Variants in ZBTB20 observed in about 807,000 individuals in gnomAD.
The protein encoded by ZBTB20 is zinc finger and BTB domain-containing protein 20.
In ZBTB20, 9 loss-of-function variants were observed where a neutral mutation model predicts 56.9. That is an observed-to-expected ratio of 0.16 (90% CI 0.10 to 0.28). The LOEUF is 0.28. Ranked by LOEUF, ZBTB20 falls within the 10% of genes least tolerant of loss-of-function variation. The pLI, the probability that ZBTB20 is intolerant of heterozygous loss-of-function variation, is 1.00. For synonymous variants in ZBTB20, 417 were observed against 420.7 expected (o/e 0.99, Z 0.11); for missense variants, 655 against 1,003.0 (o/e 0.65, Z 4.69).
intron 6 of ZBTB20, among the ~76,000 whole-genome samples, chr3:114,554,363 GGA>G (rs1362877332): frequency 6.6e-6 from 1 of 152,106 alleles, no homozygotes; most frequent in Admixed American, 6.6e-5. Flanking sequence ...TTTGTGGCAG[GGA>G]GAGATGGATT....
chr3:114,365,821 A>C (rs776521596), intron 10 of ZBTB20, among the ~76,000 whole-genome samples: 3 of 152,202 alleles, frequency 2.0e-5, no homozygotes, highest in Non-Finnish European at 4.4e-5. Flanking sequence ...TTGCTATTAG[A>C]ATTAAAACAT....
intron 10 of ZBTB20, among the ~76,000 whole-genome samples, chr3:114,354,831 C>T (rs564034989): frequency 5.9e-5 from 9 of 152,272 alleles, no homozygotes; most frequent in East Asian, 3.9e-4. Flanking sequence ...CTGCCCGCCT[C>T]GGCCTCCCAA....
At chr3:115,120,923 T>C (rs1000568607) in intron 1 of ZBTB20, among the ~76,000 whole-genome samples, 9 of 152,082 alleles carry the variant, frequency 5.9e-5, no homozygotes, top group African/African-American at 2.2e-4. Context: ...ATAGCCACAA[T>C]TTCTAAGTGA....
chr3:114,843,801 T>C (rs1413843111), intron 4 of ZBTB20, among the ~76,000 whole-genome samples: 1 of 151,758 alleles, frequency 6.6e-6, no homozygotes, highest in Non-Finnish European at 1.5e-5. Context: ...CTCAGCCTCC[T>C]GAGTATCTGG....
chr3:114,425,448 G>A (rs923982191), intron 7 of ZBTB20, among the ~76,000 whole-genome samples: 2 of 152,178 alleles, frequency 1.3e-5, no homozygotes, highest in Non-Finnish European at 2.9e-5. Flanking sequence ...TGACTGAGAC[G>A]ATCCTGCAGG....
intron 6 of ZBTB20, among the ~76,000 whole-genome samples, chr3:114,583,249 A>G (rs890052995): frequency 2.0e-5 from 3 of 152,218 alleles, no homozygotes; most frequent in African/African-American, 7.2e-5. Flanking sequence ...ACCACTAACC[A>G]TGGTACAGAT....
intron 6 of ZBTB20, among the ~76,000 whole-genome samples, chr3:114,588,510 A>C (rs1375904469): frequency 6.6e-6 from 1 of 152,206 alleles, no homozygotes; most frequent in Non-Finnish European, 1.5e-5. Flanking sequence ...AGAGTGGGTC[A>C]CAAGAGTGGT....
intron 5 of ZBTB20, among the ~76,000 whole-genome samples, chr3:114,718,632 G>A (rs1485383004): frequency 1.3e-5 from 2 of 152,028 alleles, no homozygotes; most frequent in Non-Finnish European, 2.9e-5. Flanking sequence ...CACTTTTGGA[G>A]AGAATCCCAA....
intron 3 of ZBTB20, among the ~76,000 whole-genome samples, chr3:114,947,214 T>G (rs544535923): frequency 6.8e-6 from 1 of 146,360 alleles, no homozygotes; most frequent in East Asian, 1.9e-4. Context: ...TTGGTGGGAA[T>G]GTAAATTACT....
intron 2 of ZBTB20, among the ~76,000 whole-genome samples, chr3:115,036,907 T>C (rs2080948326): frequency 6.6e-6 from 1 of 151,980 alleles, no homozygotes; most frequent in African/African-American, 2.4e-5. Flanking sequence ...CCAAGAACAT[T>C]CCCCCTAGCA....
chr3:114,965,869 A>G (rs1478461208), intron 3 of ZBTB20, among the ~76,000 whole-genome samples: 1 of 152,028 alleles, frequency 6.6e-6, no homozygotes, highest in South Asian at 2.1e-4. Context: ...TTTTCTTACT[A>G]TTGAGTTGTT....
At chr3:114,941,774 C>T (rs1233520249) in intron 3 of ZBTB20, among the ~76,000 whole-genome samples, 1 of 146,104 alleles carries the variant, frequency 6.8e-6, no homozygotes, top group Non-Finnish European at 1.5e-5. Flanking sequence ...CAGGTCCACA[C>T]TGTTCAAGTT....
chr3:114,670,560 C>T (rs960412952), intron 6 of ZBTB20, among the ~76,000 whole-genome samples: 3 of 152,112 alleles, frequency 2.0e-5, no homozygotes, highest in Non-Finnish European at 1.5e-5. Context: ...CAATTAAAAA[C>T]TGCCAAGTAC....
chr3:114,780,994 A>AAAG (rs577814497), intron 5 of ZBTB20, among the ~76,000 whole-genome samples: 425 of 152,350 alleles, frequency 2.8e-3, no homozygotes, highest in Non-Finnish European at 4.4e-3. Context: ...ACCATTGTAA[A>AAAG]ACTCTATCTT....
At chr3:114,619,767 A>G (rs2058193340) in intron 6 of ZBTB20, among the ~76,000 whole-genome samples, 1 of 152,134 alleles carries the variant, frequency 6.6e-6, no homozygotes, top group African/African-American at 2.4e-5. Context: ...GCTATTATTT[A>G]CCTCAAACAG....
rs549391135 is a variant in ZBTB20, at chr3:114,793,066, GAC to G, written c.-343+8033_-343+8034del. Among the ~76,000 whole-genome samples the G allele has an allele frequency of 3.3e-5, 5 of 151,776 alleles. No individual in the cohort carries two copies. In the South Asian group the frequency reaches 1.0e-3, roughly 32 times the overall value. On this transcript the variant is annotated intron_variant, in intron 5 of 11. Coordinates refer to ENST00000675478, the MANE Select transcript of ZBTB20 (RefSeq NM_001348800.3). ...AATTTTTTTTATATTTTTTAGTAGA[GAC>G]AGAGTTTCACCATGTTGGTCAGGCT...
chr3:114,609,759 C>T (rs1577935291), intron 6 of ZBTB20, among the ~76,000 whole-genome samples: 1 of 152,248 alleles, frequency 6.6e-6, no homozygotes, highest in East Asian at 1.9e-4. Flanking sequence ...GCCGGAAATA[C>T]ACCTGATGGC....
intron 6 of ZBTB20, among the ~76,000 whole-genome samples, chr3:114,595,709 A>G (rs186258698): frequency 3.6e-4 from 55 of 152,340 alleles, no homozygotes; most frequent in Non-Finnish European, 6.5e-4. Flanking sequence ...CCTAGGTTGG[A>G]CACAGATCTC....
Position 114,351,882 on chromosome 3 carries a change from C to A in ZBTB20, c.200-4G>T. 1 of 1,583,486 alleles carries A rather than the reference C, an allele frequency of 6.3e-7. No homozygotes were observed. Among genetic ancestry groups the A allele is most frequent in the Non-Finnish European group, 8.6e-7 (1 of 1,159,462 alleles). On this transcript the variant is annotated splice_region_variant and splice_polypyrimidine_tract_variant and intron_variant, in intron 10 of 11. Transcript: ENST00000675478. Reference sequence around the variant, plus strand: ...ATCCCCTTGCAACTGATGTCACCTGCAGCATGTCAACGCAGACACAAAACA... The same window carrying A: ...ATCCCCTTGCAACTGATGTCACCTGAAGCATGTCAACGCAGACACAAAACA...
Sources: allele counts gnomAD v4.1 joint callset (sites outside exome capture counted in the v4.1 genomes callset), GRCh38; gene constraint gnomAD v4.1.1; transcripts MANE v1.5; gene names NCBI Gene and HGNC (gene_info 2026-07-23, HGNC 2026-07-21).